Variants in PTPRT observed in about 807,000 individuals in gnomAD.
PTPRT encodes receptor-type tyrosine-protein phosphatase T.
A neutral mutation model predicts 176.8 loss-of-function variants in PTPRT; 56 were observed. That is an observed-to-expected ratio of 0.32 (90% confidence interval 0.26 to 0.40). PTPRT has a LOEUF of 0.40. Ranked by LOEUF, PTPRT falls within the 10% of genes least tolerant of loss-of-function variation. The pLI is 1.00. For missense variants in PTPRT, 1,540 were observed against 1,908.2 expected (o/e 0.81, Z 3.60); for synonymous variants, 783 against 739.0 (o/e 1.06, Z -0.96).
chr20:42,275,747 A>C (rs1169461311), intron 13 of PTPRT, among the ~76,000 whole-genome samples: 9 of 152,174 alleles, frequency 5.9e-5, no homozygotes, highest in Non-Finnish European at 1.3e-4. Flanking sequence ...CTTCTTGCAA[A>C]ACCTTTAGGA....
intron 1 of PTPRT, among the ~76,000 whole-genome samples, chr20:42,993,851 C>T (rs189365124): frequency 2.0e-5 from 3 of 151,978 alleles, no homozygotes; most frequent in Admixed American, 1.3e-4. Flanking sequence ...GCCCTGACAT[C>T]GCTTGTCACA....
At chr20:42,424,105 T>C (rs1368140108) in intron 9 of PTPRT, among the ~76,000 whole-genome samples, 1 of 152,212 alleles carries the variant, frequency 6.6e-6, no homozygotes, top group Non-Finnish European at 1.5e-5. Context: ...CAAATGCTCT[T>C]GAGATGCTGA....
At chr20:42,449,851 A>G (rs1439096323) in intron 8 of PTPRT, among the ~76,000 whole-genome samples, 3 of 152,264 alleles carry the variant, frequency 2.0e-5, no homozygotes, top group Non-Finnish European at 2.9e-5. Context: ...AAAAGGTTAA[A>G]AAAGGAAAAG....
At chr20:42,769,513 A>G (rs1464205253) in intron 5 of PTPRT, among the ~76,000 whole-genome samples, 1 of 152,208 alleles carries the variant, frequency 6.6e-6, no homozygotes, top group Non-Finnish European at 1.5e-5. Context: ...ACTTTCATAG[A>G]CTGCTGGTAG....
At chr20:42,898,588 A>G (rs2079344416) in intron 1 of PTPRT, among the ~76,000 whole-genome samples, 2 of 152,102 alleles carry the variant, frequency 1.3e-5, no homozygotes, top group Non-Finnish European at 2.9e-5. Context: ...CTGGGACACA[A>G]AAAGTACCAA....
intron 6 of PTPRT, among the ~76,000 whole-genome samples, chr20:42,710,158 GAGAA>G (rs1038649336): frequency 3.3e-5 from 5 of 152,190 alleles, no homozygotes; most frequent in South Asian, 2.1e-4. Flanking sequence ...CCATATGGGA[GAGAA>G]AGAAAGAACT....
chr20:42,367,010 C>T (rs1183639703), intron 9 of PTPRT, among the ~76,000 whole-genome samples: 2 of 152,150 alleles, frequency 1.3e-5, no homozygotes, highest in East Asian at 1.9e-4. Context: ...ATCCTTCTCC[C>T]GCATTTTATT....
chr20:42,748,585 C>G (rs1260811660), intron 6 of PTPRT, among the ~76,000 whole-genome samples: 3 of 152,120 alleles, frequency 2.0e-5, no homozygotes, highest in Non-Finnish European at 4.4e-5. Context: ...ATCCCTGTAG[C>G]AGAAGCTGTT....
At chr20:42,693,236 A>G (rs1316721082) in intron 6 of PTPRT, among the ~76,000 whole-genome samples, 5 of 152,326 alleles carry the variant, frequency 3.3e-5, no homozygotes, top group Middle Eastern at 3.4e-3. Flanking sequence ...AAATGGAGAG[A>G]TATTCCATGC....
At chr20:42,563,478 G>A (rs2072987430) in intron 7 of PTPRT, among the ~76,000 whole-genome samples, 1 of 152,094 alleles carries the variant, frequency 6.6e-6, no homozygotes, top group African/African-American at 2.4e-5. Context: ...TATAAATGTG[G>A]CCAAGTAATT....
intron 18 of PTPRT, among the ~76,000 whole-genome samples, chr20:42,140,610 A>C (rs1320866962): frequency 6.6e-6 from 1 of 152,142 alleles, no homozygotes; most frequent in Admixed American, 6.5e-5. Flanking sequence ...AGACTACTGC[A>C]GTAGTCTGCT....
In PTPRT at chr20:42,933,427, C is replaced by T. The variant is rs182753621; in HGVS notation, c.89-47495G>A. Among the ~76,000 whole-genome samples, 331 of 152,252 alleles carry T rather than the reference C, an allele frequency of 2.2e-3. 1 individual carries two copies. Among genetic ancestry groups the T allele is most frequent in the African/African-American group, 7.6e-3 (317 of 41,552 alleles). On this transcript the variant is annotated intron_variant, in intron 1 of 30. Transcript: ENST00000373187. The stretch of plus-strand genomic sequence containing the variant: ...ATGTTTGTGGGCCACCTCACTCTTC[C>T]CTGAACCCTTTGATAACAAGGACTG...
At chr20:42,496,612 G>A in intron 7 of PTPRT, among the ~76,000 whole-genome samples, 1 of 148,970 alleles carries the variant, frequency 6.7e-6, no homozygotes, top group East Asian at 2.0e-4. Context: ...TCCAAGATCT[G>A]TATCTTGAAA....
At chr20:43,009,814 G>A (rs573542220) in intron 1 of PTPRT, among the ~76,000 whole-genome samples, 47 of 152,252 alleles carry the variant, frequency 3.1e-4, no homozygotes, top group African/African-American at 1.1e-3. Context: ...CAGAGACCCA[G>A]GGTTCCTCAT....
At chr20:43,066,395 T>C (rs1408369896) in intron 1 of PTPRT, among the ~76,000 whole-genome samples, 4 of 152,192 alleles carry the variant, frequency 2.6e-5, no homozygotes, top group Non-Finnish European at 5.9e-5. Context: ...TTTCCTTCCG[T>C]CTTTTAAAAT....
chr20:42,505,550 C>T (rs1017076758), intron 7 of PTPRT, among the ~76,000 whole-genome samples: 8 of 152,150 alleles, frequency 5.3e-5, no homozygotes, highest in African/African-American at 1.7e-4. Flanking sequence ...GATCCACCTG[C>T]CTTGGCCTCC....
chr20:43,139,077 G>A (rs2013922910), intron 1 of PTPRT, among the ~76,000 whole-genome samples: 1 of 152,168 alleles, frequency 6.6e-6, no homozygotes, highest in Non-Finnish European at 1.5e-5. Context: ...TAACTCCAAT[G>A]TCAATTTCCA....
At chr20:42,069,807 A>G (rs1489687454), downstream of PTPRT, among the ~76,000 whole-genome samples, 1 of 152,176 alleles carries the variant, frequency 6.6e-6, no homozygotes, top group Admixed American at 6.5e-5. Context: ...TCCAATGCCT[A>G]TTCAATAGAG....
At chr20:42,582,837 A>G (rs1333204351) in intron 7 of PTPRT, among the ~76,000 whole-genome samples, 2 of 152,130 alleles carry the variant, frequency 1.3e-5, no homozygotes, top group Admixed American at 6.6e-5. Context: ...TGAGCTACAG[A>G]TTTGAGCCCC....
Sources: allele counts gnomAD v4.1 joint callset (sites outside exome capture counted in the v4.1 genomes callset), GRCh38; gene constraint gnomAD v4.1.1; transcripts MANE v1.5; gene names NCBI Gene and HGNC (gene_info 2026-07-23, HGNC 2026-07-21).